The following MYO3B variants were observed in gnomAD, a reference collection of about 807,000 sequenced individuals.
MYO3B encodes the protein myosin IIIB.
A neutral mutation model predicts 174.6 loss-of-function variants in MYO3B; 156 were observed. The ratio of observed to expected loss-of-function variants is 0.89; its 90% CI spans 0.78 to 1.02. MYO3B has a LOEUF of 1.02. Ranked by LOEUF, MYO3B falls within the 50% of genes least tolerant of loss-of-function variation. The pLI, the probability that MYO3B is intolerant of heterozygous loss-of-function variation, is 0.00. For synonymous variants in MYO3B, 563 were observed against 569.1 expected (o/e 0.99, Z 0.15); for missense variants, 1,632 against 1,639.4 (o/e 1.00, Z 0.08).
intron 7 of MYO3B, among the ~76,000 whole-genome samples, chr2:170,312,883 T>C (rs1020190281): frequency 3.9e-5 from 6 of 152,222 alleles, no homozygotes; most frequent in Non-Finnish European, 1.5e-5. Context: ...GTGCCTTCTA[T>C]GGAGTGCTGA....
At chr2:170,601,488 T>C (rs1694506378) in intron 32 of MYO3B, among the ~76,000 whole-genome samples, 1 of 152,216 alleles carries the variant, frequency 6.6e-6, no homozygotes, top group Non-Finnish European at 1.5e-5. Context: ...AAAGACACTG[T>C]ACAGTGTAAA....
At chr2:170,237,224 C>T (rs762362948) in intron 7 of MYO3B, among the ~76,000 whole-genome samples, 1 of 152,118 alleles carries the variant, frequency 6.6e-6, no homozygotes, top group African/African-American at 2.4e-5. Flanking sequence ...TATAAGAATG[C>T]AGGAGCTAAA....
At chr2:170,546,588 T>C (rs1332451629) in intron 32 of MYO3B, among the ~76,000 whole-genome samples, 1 of 152,216 alleles carries the variant, frequency 6.6e-6, no homozygotes, top group Non-Finnish European at 1.5e-5. Flanking sequence ...CATGAAGACG[T>C]GAGAAAACAC....
At chr2:170,404,166 C>T (rs2094495793) in intron 19 of MYO3B, 81 bp from the exon 20 acceptor site, 1 of 1,412,584 alleles carries the variant, frequency 7.1e-7, no homozygotes, top group Non-Finnish European at 9.6e-7. Context: ...GTTGCTAGAC[C>T]CAGAAAGTCC....
Position 170,584,364 on chromosome 2 carries a change from A to G in MYO3B, c.3733+40376A>G, listed in dbSNP as rs530916810. The stretch of plus-strand genomic sequence containing the variant: ...TCTGTACACCCATCACCATTTTTAT[A>G]AAGTATTTATTTACCAATTAGTCCA... On this transcript the variant is annotated intron_variant, in intron 32 of 34. Coordinates refer to ENST00000408978, the MANE Select transcript of MYO3B (RefSeq NM_138995.5). Among the ~76,000 whole-genome samples, 37 of 152,254 alleles carry G rather than the reference A, an allele frequency of 2.4e-4. No individual in the cohort carries two copies. The South Asian group carries it at 6.8e-3, about 28-fold the overall frequency.
At chr2:170,403,711 G>T (rs1201752344) in intron 19 of MYO3B, among the ~76,000 whole-genome samples, 6 of 152,204 alleles carry the variant, frequency 3.9e-5, no homozygotes, top group Admixed American at 3.3e-4. Flanking sequence ...CAACTTCGAT[G>T]AGATAGACAC....
At chr2:170,621,795 C>CA (rs1264949893) in intron 32 of MYO3B, among the ~76,000 whole-genome samples, 1 of 152,096 alleles carries the variant, frequency 6.6e-6, no homozygotes, top group Non-Finnish European at 1.5e-5. Flanking sequence ...CACCGTGAGC[C>CA]ACCAGGCATT....
At chr2:170,480,181 G>A (rs1461301446) in intron 25 of MYO3B, among the ~76,000 whole-genome samples, 1 of 151,996 alleles carries the variant, frequency 6.6e-6, no homozygotes, top group Non-Finnish European at 1.5e-5. Context: ...GGTGTGTCAG[G>A]CCTCAGGAAA....
intron 7 of MYO3B, among the ~76,000 whole-genome samples, chr2:170,314,528 T>C (rs1303882042): frequency 2.6e-5 from 4 of 152,206 alleles, no homozygotes; most frequent in Admixed American, 2.0e-4. Context: ...ATTAGATCTT[T>C]AATTGTTGTG....
At chr2:170,196,411 T>A (rs2092600767) in intron 1 of MYO3B, among the ~76,000 whole-genome samples, 1 of 152,136 alleles carries the variant, frequency 6.6e-6, no homozygotes, top group Admixed American at 6.6e-5. Flanking sequence ...TATTAATACT[T>A]GGGAGGCTGA....
In MYO3B at chr2:170,557,142, A is replaced by ATTTTTTT. The variant is rs369628260; in HGVS notation, c.3733+13159_3733+13160insTTTTTTT. On this transcript the variant is annotated intron_variant, in intron 32 of 34. Coordinates refer to ENST00000408978, the MANE Select transcript of MYO3B (RefSeq NM_138995.5). Reference sequence around the variant, plus strand: ...TATGTCTGCAGGGTTTTTTATTTTTATTTTTATTTTTTTTTGAGACGGAGT... The same window carrying ATTTTTTT: ...TATGTCTGCAGGGTTTTTTATTTTTATTTTTTTTTTTTATTTTTTTTTGAGACGGAGT... 1.0e-4 allele frequency among the ~76,000 whole-genome samples: 14 copies of ATTTTTTT among 137,608 alleles called. 2 individuals carry two copies. The highest frequency in any genetic ancestry group is 1.1e-4 in the Non-Finnish European group (7 of 65,198). 90.3% of individuals were successfully genotyped at this position (137,608 alleles called of 152,430 possible).
intron 32 of MYO3B, among the ~76,000 whole-genome samples, chr2:170,568,356 C>A (rs1166074320): frequency 6.6e-6 from 1 of 152,232 alleles, no homozygotes; most frequent in East Asian, 1.9e-4. Flanking sequence ...GACTTCCCGT[C>A]TGGGCTTTTC....
chr2:170,529,377 T>A (rs1426239350), intron 30 of MYO3B, among the ~76,000 whole-genome samples: 3 of 151,770 alleles, frequency 2.0e-5, no homozygotes, highest in Non-Finnish European at 4.4e-5. Flanking sequence ...AAAAAAAAAA[T>A]TTCAGTCTCC....
At chr2:170,463,286 C>T (rs1684421728) in intron 23 of MYO3B, 82 bp from the exon 24 acceptor site, 2 of 1,248,226 alleles carry the variant, frequency 1.6e-6, no homozygotes, top group Non-Finnish European at 2.3e-6. Flanking sequence ...TTTGGCCAAA[C>T]AGGCTTTCGG....
intron 9 of MYO3B, among the ~76,000 whole-genome samples, chr2:170,369,866 A>G (rs946804016): frequency 2.0e-5 from 3 of 151,878 alleles, no homozygotes; most frequent in Non-Finnish European, 4.4e-5. Context: ...CTCTGAGACC[A>G]TTTTCTCTTT....
Position 170,654,180 on chromosome 2 carries a change from A to G in MYO3B, c.*1059A>G, listed in dbSNP as rs1699164416. ...GATTATATTGTAATGATGTTAGATA[A>G]TACTCAACATGATTCAGTATGACAA... On this transcript the variant is annotated 3_prime_UTR_variant, in exon 35 of 35. Coordinates refer to ENST00000408978, the MANE Select transcript of MYO3B (RefSeq NM_138995.5). 6.6e-6 allele frequency: 1 copy of G among 152,202 alleles called. No individual in the cohort carries two copies. The highest frequency in any genetic ancestry group is 6.5e-5 in the Admixed American group (1 of 15,280). 9.4% of individuals were successfully genotyped at this position (152,202 alleles called of 1,614,324 possible).
At chr2:170,293,564 A>G (rs1054238351) in intron 7 of MYO3B, among the ~76,000 whole-genome samples, 1 of 152,108 alleles carries the variant, frequency 6.6e-6, no homozygotes, top group African/African-American at 2.4e-5. Context: ...TCTCCGTGGT[A>G]CTGTCTGGCT....
At chr2:170,212,243 C>CAA (rs57947187) in intron 3 of MYO3B, among the ~76,000 whole-genome samples, 10 of 128,014 alleles carry the variant, frequency 7.8e-5, no homozygotes, top group Admixed American at 2.3e-4. Context: ...AACTCCCTCT[C>CAA]AAAAAAAAAA....
intron 7 of MYO3B, among the ~76,000 whole-genome samples, chr2:170,259,408 A>G (rs2093328648): frequency 6.6e-6 from 1 of 151,992 alleles, no homozygotes; most frequent in Non-Finnish European, 1.5e-5. Flanking sequence ...AAATAAAGCC[A>G]CTATAACCAT....
Sources: gnomAD v4.1 joint callset for allele counts (sites outside exome capture counted in the v4.1 genomes callset) on GRCh38, gnomAD v4.1.1 for gene constraint, MANE v1.5 for transcripts, NCBI Gene and HGNC (gene_info 2026-07-23, HGNC 2026-07-21) for gene names.